LDLRAD4: variants seen among roughly 807,000 people sequenced by gnomAD.
LDLRAD4 encodes the protein low-density lipoprotein receptor class A domain-containing protein 4.
A neutral mutation model predicts 17.0 loss-of-function variants in LDLRAD4; 5 were observed. The observed-to-expected ratio is 0.29, with a 90% CI of 0.15 to 0.62. The LOEUF is 0.62. Ranked by LOEUF, LDLRAD4 falls within the 20% of genes least tolerant of loss-of-function variation. The probability of loss-of-function intolerance (pLI) is 0.84; values close to 1 mark genes in which losing one functional copy is unlikely to be tolerated. For synonymous variants in LDLRAD4, 168 were observed against 171.8 expected, an observed-to-expected ratio of 0.98 and a Z score of 0.17; for missense variants, 340 against 424.7, an observed-to-expected ratio of 0.80 and a Z score of 1.75.
intron 2 of LDLRAD4, among the ~76,000 whole-genome samples, chr18:13,405,747 C>G (rs965153280): frequency 6.6e-6 from 1 of 151,982 alleles, no homozygotes; most frequent in Non-Finnish European, 1.5e-5. Flanking sequence ...AGCCCCTATG[C>G]GAGCGTTTTC....
At chr18:13,569,420 A>C (rs2094653998) in intron 3 of LDLRAD4, among the ~76,000 whole-genome samples, 1 of 152,198 alleles carries the variant, frequency 6.6e-6, no homozygotes, top group African/African-American at 2.4e-5. Flanking sequence ...TGGGCACCAA[A>C]CTGATTCATA....
chr18:13,510,348 C>G (rs1440526632), intron 3 of LDLRAD4, among the ~76,000 whole-genome samples: 1 of 152,184 alleles, frequency 6.6e-6, no homozygotes, highest in Admixed American at 6.5e-5. Flanking sequence ...TGTCATGCAG[C>G]CTCCTGGGGC....
chr18:13,471,971 T>A (rs529035805), intron 3 of LDLRAD4: 1 of 152,384 alleles, frequency 6.6e-6, no homozygotes, highest in South Asian at 2.1e-4. Context: ...AAGGAAGCTC[T>A]GGTCATAAAA....
At chr18:13,580,725 G>A (rs1057165756) in intron 3 of LDLRAD4, among the ~76,000 whole-genome samples, 2 of 152,206 alleles carry the variant, frequency 1.3e-5, no homozygotes, top group African/African-American at 4.8e-5. Flanking sequence ...CAGAGGCAGG[G>A]CTCCAGACTT....
At chr18:13,234,083 C>T (rs548652579) in intron 1 of LDLRAD4, among the ~76,000 whole-genome samples, 1 of 152,348 alleles carries the variant, frequency 6.6e-6, no homozygotes, top group Non-Finnish European at 1.5e-5. Context: ...TTCACTGTCA[C>T]CACCAGCAGT....
chr18:13,231,656 A>G (rs2042084047), intron 1 of LDLRAD4, among the ~76,000 whole-genome samples: 1 of 152,232 alleles, frequency 6.6e-6, no homozygotes, highest in African/African-American at 2.4e-5. Flanking sequence ...TCAGTTCACG[A>G]CAGGAAGCCA....
intron 1 of LDLRAD4, among the ~76,000 whole-genome samples, chr18:13,244,124 TCAC>T (rs2042834098): frequency 5.3e-5 from 4 of 75,850 alleles, no homozygotes; most frequent in Non-Finnish European, 5.5e-5. Context: ...CACCATGAAC[TCAC>T]CCACCCACCC....
chr18:13,401,154 C>T (rs1443082168), intron 2 of LDLRAD4, among the ~76,000 whole-genome samples: 2 of 152,042 alleles, frequency 1.3e-5, no homozygotes, highest in African/African-American at 4.8e-5. Context: ...GCAGCCAGGG[C>T]AGAGGACTCG....
At chr18:13,604,359 G>A (rs1198673405) in intron 3 of LDLRAD4, among the ~76,000 whole-genome samples, 2 of 152,168 alleles carry the variant, frequency 1.3e-5, no homozygotes, top group East Asian at 1.9e-4. Flanking sequence ...TGGGAATAAC[G>A]GCCCCAGGGG....
chr18:13,383,746 C>G (rs546121801), intron 1 of LDLRAD4, among the ~76,000 whole-genome samples: 11 of 152,238 alleles, frequency 7.2e-5, no homozygotes, highest in Admixed American at 1.3e-4. Flanking sequence ...GATCACCCAC[C>G]CTGCGCTGCC....
intron 1 of LDLRAD4, among the ~76,000 whole-genome samples, chr18:13,308,538 AAAGGTGGGCG>A (rs2047045692): frequency 6.6e-6 from 1 of 152,206 alleles, no homozygotes; most frequent in African/African-American, 2.4e-5. Context: ...CGATTGTGTG[AAAGGTGGGCG>A]AAGGTGCCTG....
intron 2 of LDLRAD4, among the ~76,000 whole-genome samples, chr18:13,413,152 A>G (rs2088540597): frequency 6.6e-6 from 1 of 152,172 alleles, no homozygotes; most frequent in Admixed American, 6.5e-5. Context: ...CTTGGGTCGC[A>G]TGACTGTGCT....
At chr18:13,321,372 A>C (rs571057271) in intron 1 of LDLRAD4, among the ~76,000 whole-genome samples, 1 of 151,994 alleles carries the variant, frequency 6.6e-6, no homozygotes, top group East Asian at 1.9e-4. Context: ...ATGTTTTAAA[A>C]CCATAGTTTA....
chr18:13,227,171 C>G (rs1277022540), intron 1 of LDLRAD4, among the ~76,000 whole-genome samples: 1 of 152,216 alleles, frequency 6.6e-6, no homozygotes, highest in Non-Finnish European at 1.5e-5. Flanking sequence ...CTGCTTTCCT[C>G]CAAGGCATCA....
chr18:13,568,317 C>G (rs908161591), intron 3 of LDLRAD4, among the ~76,000 whole-genome samples: 57 of 150,700 alleles, frequency 3.8e-4, no homozygotes, highest in East Asian at 3.3e-3. Context: ...AAGAAAAAAA[C>G]AAGTTTGCAG....
chr18:13,454,711 C>T (rs546900093), intron 3 of LDLRAD4, among the ~76,000 whole-genome samples: 1 of 152,314 alleles, frequency 6.6e-6, no homozygotes, highest in South Asian at 2.1e-4. Flanking sequence ...GGTCTGGGCA[C>T]AGGCACAGAT....
intron 1 of LDLRAD4, among the ~76,000 whole-genome samples, chr18:13,364,555 TGG>T (rs2144711196): frequency 6.6e-6 from 1 of 152,274 alleles, no homozygotes; most frequent in South Asian, 2.1e-4. Flanking sequence ...TTGTCTAGGC[TGG>T]TCTTGAACTC....
intron 1 of LDLRAD4, among the ~76,000 whole-genome samples, chr18:13,290,820 G>A (rs376017467): frequency 1.3e-5 from 2 of 152,150 alleles, no homozygotes; most frequent in Non-Finnish European, 2.9e-5. Context: ...ACCAGACTTT[G>A]CCTCTAAGAT....
At chr18:13,224,796 A>G (rs1416502528) in intron 1 of LDLRAD4, among the ~76,000 whole-genome samples, 5 of 150,386 alleles carry the variant, frequency 3.3e-5, no homozygotes, top group Admixed American at 6.6e-5. Context: ...TTCTTTAAAA[A>G]TGAAAAAAAG....
Sources: allele counts gnomAD v4.1 joint callset (sites outside exome capture counted in the v4.1 genomes callset), GRCh38; gene constraint gnomAD v4.1.1; transcripts MANE v1.5; gene names NCBI Gene and HGNC (gene_info 2026-07-23, HGNC 2026-07-21).